Variants in LRRC49 observed in about 807,000 individuals in gnomAD.
LRRC49 encodes the protein leucine rich repeat containing 49.
Under a neutral mutation model 83.3 loss-of-function variants are expected in LRRC49, and 50 were observed. That is an observed-to-expected ratio of 0.60 (90% CI 0.48 to 0.76). The LOEUF (loss-of-function observed/expected upper bound fraction) is 0.76, where lower values mean the gene tolerates loss of function less well. Among genes scored for constraint, LRRC49 ranks in the 30% least tolerant of loss-of-function variants. The pLI is 0.00. For missense variants in LRRC49, 704 were observed against 809.1 expected, an observed-to-expected ratio of 0.87 and a Z score of 1.58; for synonymous variants, 286 against 283.3, an observed-to-expected ratio of 1.01 and a Z score of -0.10.
intron 5 of LRRC49, among the ~76,000 whole-genome samples, chr15:70,909,283 C>A (rs2034449326): frequency 6.6e-6 from 1 of 152,120 alleles, no homozygotes; most frequent in Non-Finnish European, 1.5e-5. Flanking sequence ...GATGACAAAG[C>A]TGGTTCAAAG....
chr15:70,919,868 G>A (rs2034942651), intron 7 of LRRC49, among the ~76,000 whole-genome samples: 1 of 152,140 alleles, frequency 6.6e-6, no homozygotes, highest in South Asian at 2.1e-4. Flanking sequence ...GTTCGATTGT[G>A]GGGGCAAAAC....
At chr15:70,904,233 T>C (rs1005428462) in intron 4 of LRRC49, among the ~76,000 whole-genome samples, 3 of 152,192 alleles carry the variant, frequency 2.0e-5, no homozygotes, top group Admixed American at 1.3e-4. Flanking sequence ...CATTTAAACC[T>C]CTATCACAAA....
In LRRC49 at chr15:70,853,942, G is replaced by A. The variant is rs1207930603; in HGVS notation, c.-299+473G>A. ...TCGCGCTGCCCCAGCCGGGGCTGAGGTACCGGGCCGGGTCCCCGGCGCCCC... is the reference window on the plus strand; with the variant it reads ...TCGCGCTGCCCCAGCCGGGGCTGAGATACCGGGCCGGGTCCCCGGCGCCCC... On this transcript the variant is annotated intron_variant, in intron 1 of 16. Coordinates refer to the LRRC49 transcript ENST00000544974. 12 of 1,444,170 alleles carry A rather than the reference G, an allele frequency of 8.3e-6. No individual in the cohort carries two copies. In the Admixed American group the frequency reaches 9.9e-5, roughly 12 times the overall value. The allele number at this position is 1,444,170 out of a possible 1,614,324, so 89.5% of individuals were successfully genotyped here. A position where few individuals can be genotyped will look rare whatever the true frequency, so the allele number is the denominator to read the frequency against.
chr15:71,050,842 TTC>T lies in LRRC49; in HGVS notation c.*1232_*1233del. Reference sequence around the variant, plus strand: ...AAAAGGCTGTCCTGGTTTTTTCTTTTTCTTTTTTTTTTTTTGAGACAGAGTCT... The same window carrying T: ...AAAAGGCTGTCCTGGTTTTTTCTTTTTTTTTTTTTTTTTGAGACAGAGTCT... On this transcript the variant is annotated 3_prime_UTR_variant, in exon 16 of 16. Transcript: ENST00000260382. 6.6e-6 allele frequency: 1 copy of T among 152,330 alleles called. No homozygotes were observed. The highest frequency in any genetic ancestry group is 1.5e-5 in the Non-Finnish European group (1 of 68,382). The allele number at this position is 152,330 out of a possible 1,614,324, so 9.4% of individuals were successfully genotyped here. A position where few individuals can be genotyped will look rare whatever the true frequency, so the allele number is the denominator to read the frequency against.
intron 8 of LRRC49, among the ~76,000 whole-genome samples, chr15:70,945,793 G>A (rs1388573202): frequency 1.3e-5 from 2 of 152,042 alleles, no homozygotes; most frequent in Non-Finnish European, 1.5e-5. Context: ...TTCTCCATAA[G>A]GAGGATACTT....
chr15:70,898,605 A>G, intron 3 of LRRC49: 1 of 494,530 alleles, frequency 2.0e-6, no homozygotes, highest in Non-Finnish European at 3.5e-6. Flanking sequence ...TAATATGATG[A>G]AACCCCATCT....
intron 9 of LRRC49, among the ~76,000 whole-genome samples, chr15:70,979,004 T>C (rs1267214872): frequency 6.6e-6 from 1 of 152,190 alleles, no homozygotes; most frequent in African/African-American, 2.4e-5. Context: ...TGGTTTCCTG[T>C]CTCTGAAGAT....
intron 8 of LRRC49, among the ~76,000 whole-genome samples, chr15:70,948,622 C>G (rs977896773): frequency 6.6e-6 from 1 of 151,626 alleles, no homozygotes; most frequent in Non-Finnish European, 1.5e-5. Context: ...GATGTGTCCT[C>G]ATTCTTTAAG....
At chr15:70,968,949 G>A (rs1219051958) in intron 9 of LRRC49, among the ~76,000 whole-genome samples, 2 of 152,250 alleles carry the variant, frequency 1.3e-5, no homozygotes, top group East Asian at 3.9e-4. Context: ...TGACTCTGAT[G>A]ATAGTTTCTT....
intron 4 of LRRC49, among the ~76,000 whole-genome samples, chr15:70,904,305 G>A (rs189845716): frequency 3.3e-5 from 5 of 152,156 alleles, no homozygotes; most frequent in East Asian, 3.9e-4. Flanking sequence ...ACTTATATTC[G>A]AGTTTTTTAA....
chr15:71,026,463 C>T (rs1322302299), intron 14 of LRRC49, among the ~76,000 whole-genome samples: 1 of 152,116 alleles, frequency 6.6e-6, no homozygotes, highest in East Asian at 1.9e-4. Flanking sequence ...AATGGTATTT[C>T]TGGTTCTAGA....
chr15:70,895,281 C>T (rs1218789506), intron 2 of LRRC49, among the ~76,000 whole-genome samples: 1 of 151,988 alleles, frequency 6.6e-6, no homozygotes, highest in Non-Finnish European at 1.5e-5. Flanking sequence ...CAAGTGAAAA[C>T]CTTTCTTAGA....
chr15:70,942,678 G>A (rs961739151), intron 8 of LRRC49, among the ~76,000 whole-genome samples: 4 of 152,134 alleles, frequency 2.6e-5, no homozygotes, highest in African/African-American at 7.2e-5. Context: ...CCCTCAGGAC[G>A]TCCCAAGAAC....
chr15:70,862,577 CAAAAA>C (rs10623501), intron 1 of LRRC49, among the ~76,000 whole-genome samples: 110 of 61,736 alleles, frequency 1.8e-3, no homozygotes, highest in Non-Finnish European at 2.5e-3. Context: ...GACTCCGTCT[CAAAAA>C]AAAAAAAAAA....
chr15:70,988,717 G>A (rs1229574646), intron 11 of LRRC49, among the ~76,000 whole-genome samples: 1 of 152,086 alleles, frequency 6.6e-6, no homozygotes, highest in Non-Finnish European at 1.5e-5. Flanking sequence ...AGTTGATGCA[G>A]TTTCTTCCTA....
intron 1 of LRRC49, among the ~76,000 whole-genome samples, chr15:70,856,389 C>T (rs1324216232): frequency 6.6e-6 from 1 of 152,024 alleles, no homozygotes; most frequent in East Asian, 1.9e-4. Flanking sequence ...CGGAGCTGCT[C>T]CTGGTAGGGA....
At chr15:70,924,599 A>G (rs1464128630) in intron 7 of LRRC49, among the ~76,000 whole-genome samples, 1 of 151,744 alleles carries the variant, frequency 6.6e-6, no homozygotes, top group African/African-American at 2.4e-5. Flanking sequence ...TTTTCTTTTT[A>G]TTCTTTTACC....
chr15:71,020,401 G>C (rs2038957111), intron 14 of LRRC49, among the ~76,000 whole-genome samples: 1 of 152,172 alleles, frequency 6.6e-6, no homozygotes, highest in Non-Finnish European at 1.5e-5. Context: ...ATAGGGTAGA[G>C]TCAGTATTAA....
At chr15:70,858,761 C>T in intron 1 of LRRC49, 1 of 1,156,444 alleles carries the variant, frequency 8.6e-7, no homozygotes, top group Non-Finnish European at 1.2e-6. Flanking sequence ...CACCTCTGGC[C>T]CCCGGGCCTT....
Sources: gnomAD v4.1 joint callset for allele counts (sites outside exome capture counted in the v4.1 genomes callset) on GRCh38, gnomAD v4.1.1 for gene constraint, MANE v1.5 for transcripts, NCBI Gene and HGNC (gene_info 2026-07-23, HGNC 2026-07-21) for gene names.